The following DMTF1 variants were observed in gnomAD, a reference collection of about 807,000 sequenced individuals.
DMTF1 encodes the protein cyclin-D-binding Myb-like transcription factor 1.
A neutral mutation model predicts 91.1 loss-of-function variants in DMTF1; 39 were observed. The observed-to-expected ratio is 0.43, with a 90% CI of 0.33 to 0.56. The LOEUF (loss-of-function observed/expected upper bound fraction) is 0.56. Among genes scored for constraint, DMTF1 ranks in the 20% least tolerant of loss-of-function variants. DMTF1 has a pLI of 0.05. For missense variants in DMTF1, 750 were observed against 914.5 expected, an observed-to-expected ratio of 0.82 and a Z score of 2.32; for synonymous variants, 338 against 309.5, an observed-to-expected ratio of 1.09 and a Z score of -0.97.
intron 2 of DMTF1, chr7:87,164,145 A>T (rs529641827): frequency 6.6e-6 from 1 of 151,908 alleles, no homozygotes; most frequent in Non-Finnish European, 1.5e-5. Flanking sequence ...GGTAAAACAT[A>T]CGTGCCAAAA....
At position 87,179,643 on chromosome 7, in the gene DMTF1, T is replaced by G. The variant is rs765181504; in HGVS notation, c.618T>G (p.Pro206=). The stretch of plus-strand genomic sequence containing the variant: ...CTATAGCATGGGGTCTGAACCGGCC[T>G]TTGTTTGCAGTTTATAGAAGAGTGC... ...YRTIAWGLNR[P]LFAVYRRVLR... is the part of the protein sequence containing the mutation. Residue 206 remains proline, a synonymous_variant, in exon 8 of 18, where the codon CCT becomes CCG. Coordinates refer to ENST00000331242, the MANE Select transcript of DMTF1 (RefSeq NM_001142327.2). 2 of 1,581,374 alleles carry G rather than the reference T, an allele frequency of 1.3e-6. No individual in the cohort carries two copies. Among genetic ancestry groups the G allele is most frequent in the Non-Finnish European group, 1.7e-6 (2 of 1,168,508 alleles).
At chr7:87,173,206 A>T (rs1181046094) in intron 5 of DMTF1, among the ~76,000 whole-genome samples, 2 of 152,124 alleles carry the variant, frequency 1.3e-5, no homozygotes, top group African/African-American at 4.8e-5. Flanking sequence ...ATTTCCCTGA[A>T]TATTCTATGT....
rs112561618 is a variant in DMTF1, at chr7:87,153,442, G to A, written c.-132+887G>A. ...ATGTTTTACCACAATCTCCAGAGCA[G>A]ATTTGAGAGTAGAAGTGGCCAAGTG... On this transcript the variant is annotated intron_variant, in intron 1 of 17. Coordinates refer to ENST00000331242, the MANE Select transcript of DMTF1 (RefSeq NM_001142327.2). Among the ~76,000 whole-genome samples, 579 of 152,310 alleles carry A rather than the reference G, an allele frequency of 3.8e-3. 2 individuals carry two copies. Among genetic ancestry groups the A allele is most frequent in the African/African-American group, 0.013 (533 of 41,558 alleles).
intron 3 of DMTF1, among the ~76,000 whole-genome samples, chr7:87,165,483 C>T (rs964975787): frequency 1.3e-5 from 2 of 152,116 alleles, no homozygotes; most frequent in African/African-American, 2.4e-5. Flanking sequence ...TGTTACTCCC[C>T]GACTTGCTCA....
At chr7:87,163,246 TTGTC>T (rs1792974981) in intron 1 of DMTF1, 2 of 152,026 alleles carry the variant, frequency 1.3e-5, no homozygotes, top group Admixed American at 1.3e-4. Context: ...CAGAGAACGT[TTGTC>T]TGCCTGATGA....
At chr7:87,159,061 TG>T (rs1791532065) in intron 1 of DMTF1, among the ~76,000 whole-genome samples, 2 of 152,106 alleles carry the variant, frequency 1.3e-5, no homozygotes, top group Admixed American at 1.3e-4. Flanking sequence ...AATTTACAGA[TG>T]GTGGTTGAAA....
At chr7:87,184,269 CA>C (rs1797964300) in intron 10 of DMTF1, 127 bp from the exon 11 acceptor site, 1 of 814,796 alleles carries the variant, frequency 1.2e-6, no homozygotes, top group African/African-American at 1.7e-5. Flanking sequence ...GGTTTTCCAC[CA>C]GAGGGTCATT....
chr7:87,154,075 C>T (rs1028414444), intron 1 of DMTF1, among the ~76,000 whole-genome samples: 1 of 152,086 alleles, frequency 6.6e-6, no homozygotes, highest in South Asian at 2.1e-4. Flanking sequence ...TTATGGTGTA[C>T]TTAGAGACAG....
chr7:87,155,454 G>A (rs1235533910), intron 1 of DMTF1: 2 of 151,994 alleles, frequency 1.3e-5, no homozygotes, highest in African/African-American at 4.8e-5. Flanking sequence ...TGCAATTGCA[G>A]CTCCTTTATG....
chr7:87,158,804 C>T (rs1305186472), intron 1 of DMTF1, among the ~76,000 whole-genome samples: 1 of 151,952 alleles, frequency 6.6e-6, no homozygotes, highest in East Asian at 1.9e-4. Flanking sequence ...ACTTAGAAAA[C>T]ATTCTTAACC....
chr7:87,170,104 TC>T (rs1794735312), intron 4 of DMTF1, among the ~76,000 whole-genome samples: 4 of 152,196 alleles, frequency 2.6e-5, no homozygotes, highest in Non-Finnish European at 5.9e-5. Context: ...GGTGTATTCT[TC>T]CAGTAGTTTT....
intron 5 of DMTF1, among the ~76,000 whole-genome samples, chr7:87,171,300 CTT>C (rs1795023261): frequency 6.6e-6 from 1 of 152,156 alleles, no homozygotes; most frequent in African/African-American, 2.4e-5. Flanking sequence ...TATTTAGCCT[CTT>C]GGTTTGTTAT....
chr7:87,167,090 C>T (rs1794000135), intron 4 of DMTF1, among the ~76,000 whole-genome samples: 1 of 152,146 alleles, frequency 6.6e-6, no homozygotes, highest in African/African-American at 2.4e-5. Context: ...AACTGAGACA[C>T]AGAAAATTAT....
chr7:87,171,125 A>G, intron 5 of DMTF1, 36 bp downstream of exon 5: 3 of 1,381,024 alleles, frequency 2.2e-6, no homozygotes, highest in Non-Finnish European at 3.1e-6. Flanking sequence ...CAGGAGGATG[A>G]TCCTTTACAC....
At chr7:87,176,990 G>T (rs1796393775) in intron 7 of DMTF1, among the ~76,000 whole-genome samples, 2 of 152,272 alleles carry the variant, frequency 1.3e-5, no homozygotes, top group South Asian at 4.1e-4. Flanking sequence ...AACACAGTGT[G>T]CTTGCATGTA....
Position 87,195,094 on chromosome 7 carries a change from T to C in DMTF1, c.2237T>C (p.Val746Ala). The change falls in exon 18 of 18, where the codon GTT (valine) becomes GCT (alanine). Residue 746 changes from valine to alanine, a missense_variant. This residue lies in a region of DMTF1 where 410 missense variants were observed against 420.2 expected (regional missense o/e 0.98). Transcript: ENST00000331242. ...NIIGSSLGSPVSEDSKDVEDL... is the reference protein window; with the variant it reads ...NIIGSSLGSPASEDSKDVEDL... ...ATTGGATCATCCTTGGGCAGTCCTG[T>C]TTCAGAAGATTCAAAGGATGTCGAA... 1 of 1,612,368 alleles carries C rather than the reference T, an allele frequency of 6.2e-7. No homozygotes were observed. Among genetic ancestry groups the C allele is most frequent in the Non-Finnish European group, 8.5e-7 (1 of 1,178,946 alleles).
At chr7:87,192,195 GATA>G (rs1562856362) in intron 14 of DMTF1, among the ~76,000 whole-genome samples, 1 of 151,750 alleles carries the variant, frequency 6.6e-6, no homozygotes, top group Admixed American at 6.6e-5. Context: ...TTATTAACAG[GATA>G]ATAATAGTAC....
At chr7:87,156,222 A>G (rs1166927110) in intron 1 of DMTF1, among the ~76,000 whole-genome samples, 1 of 152,196 alleles carries the variant, frequency 6.6e-6, no homozygotes, top group Non-Finnish European at 1.5e-5. Context: ...CTTTTTGAAT[A>G]AGCAATATAG....
At chr7:87,191,092 T>G in intron 14 of DMTF1, 65 bp downstream of exon 14, 2 of 1,050,392 alleles carry the variant, frequency 1.9e-6, no homozygotes, top group East Asian at 2.6e-5. Flanking sequence ...CTATCACTTT[T>G]GTGTTTCATT....
Sources: gnomAD v4.1 joint callset for allele counts (sites outside exome capture counted in the v4.1 genomes callset) on GRCh38, gnomAD v4.1.1 for gene constraint, gnomAD v4.1.1 regional missense constraint, MANE v1.5 for transcripts, NCBI Gene and HGNC (gene_info 2026-07-23, HGNC 2026-07-21) for gene names.